The following TENM3 variants were observed in gnomAD, a reference collection of about 807,000 sequenced individuals.
TENM3 encodes the protein teneurin-3.
In TENM3, 63 loss-of-function variants were observed where a neutral mutation model predicts 255.1. The observed-to-expected ratio is 0.25, with a 90% CI of 0.20 to 0.30. The LOEUF is 0.30. Ranked by LOEUF, TENM3 falls within the 10% of genes least tolerant of loss-of-function variation. TENM3 has a pLI of 1.00. For synonymous variants in TENM3, 1,306 were observed against 1,322.3 expected, an observed-to-expected ratio of 0.99 and a Z score of 0.27; for missense variants, 2,929 against 3,461.1, an observed-to-expected ratio of 0.85 and a Z score of 3.86.
intron 3 of TENM3, among the ~76,000 whole-genome samples, chr4:182,536,604 A>G (rs553810271): frequency 1.3e-5 from 2 of 152,330 alleles, no homozygotes; most frequent in South Asian, 4.1e-4. Context: ...GAAAGAAATA[A>G]GCAGATGTGA....
intron 3 of TENM3, among the ~76,000 whole-genome samples, chr4:182,513,098 G>C (rs1356086135): frequency 6.6e-6 from 1 of 152,140 alleles, no homozygotes; most frequent in Admixed American, 6.5e-5. Context: ...AAGAAGTGAG[G>C]ATAGGATAGG....
chr4:182,432,501 C>T (rs192324151), intron 3 of TENM3, among the ~76,000 whole-genome samples: 1 of 152,246 alleles, frequency 6.6e-6, no homozygotes, highest in Admixed American at 6.5e-5. Flanking sequence ...ACAATATGTA[C>T]AATGTAATAA....
At chr4:182,049,597 C>A in the TENM3 span, among the ~76,000 whole-genome samples, 1 of 152,206 alleles carries the variant, frequency 6.6e-6, no homozygotes, top group Non-Finnish European at 1.5e-5. Flanking sequence ...TGAGCCGTAT[C>A]CCTGCTCTTG....
the TENM3 span, among the ~76,000 whole-genome samples, chr4:181,511,954 T>G: frequency 2.0e-5 from 3 of 152,064 alleles, no homozygotes; most frequent in Admixed American, 2.0e-4. Context: ...TGTGTTAGGG[T>G]GCCCAGCATC....
At chr4:181,785,144 T>G in the TENM3 span, among the ~76,000 whole-genome samples, 1 of 152,010 alleles carries the variant, frequency 6.6e-6, no homozygotes. Flanking sequence ...AAGGCACATG[T>G]GTGAAGTTGG....
intron 3 of TENM3, among the ~76,000 whole-genome samples, chr4:182,409,504 C>T (rs1407853731): frequency 2.0e-5 from 3 of 152,152 alleles, no homozygotes; most frequent in Non-Finnish European, 4.4e-5. Flanking sequence ...CAGGATTGGG[C>T]TAGATATTCC....
At chr4:182,079,702 T>C in the TENM3 span, 1 of 152,304 alleles carries the variant, frequency 6.6e-6, no homozygotes, top group Non-Finnish European at 1.5e-5. Flanking sequence ...AAATGAGATG[T>C]TGAAATTGTT....
chr4:182,586,467 A>G (rs1244598391), intron 3 of TENM3, among the ~76,000 whole-genome samples: 3 of 152,314 alleles, frequency 2.0e-5, no homozygotes, highest in Admixed American at 6.5e-5. Context: ...ATAAAAGCAT[A>G]TATTGGGAAG....
At chr4:181,672,699 C>T in the TENM3 span, among the ~76,000 whole-genome samples, 1 of 152,168 alleles carries the variant, frequency 6.6e-6, no homozygotes, top group Admixed American at 6.6e-5. Flanking sequence ...ACAGAAGCGC[C>T]TGCATCTGCA....
chr4:182,514,617 G>A (rs1203335088), intron 3 of TENM3, among the ~76,000 whole-genome samples: 1 of 152,138 alleles, frequency 6.6e-6, no homozygotes, highest in African/African-American at 2.4e-5. Flanking sequence ...TTAGTGTGAT[G>A]TAGTCTGATA....
the TENM3 span, among the ~76,000 whole-genome samples, chr4:181,913,806 C>T: frequency 6.6e-6 from 1 of 152,110 alleles, no homozygotes; most frequent in Admixed American, 6.6e-5. Flanking sequence ...ACTCATTGTA[C>T]TTAACAATTT....
intron 6 of TENM3, among the ~76,000 whole-genome samples, chr4:182,667,914 G>A (rs184469724): frequency 4.0e-5 from 6 of 151,888 alleles, no homozygotes; most frequent in Middle Eastern, 3.4e-3. Flanking sequence ...AAACCTGCAC[G>A]TTTTGCACGT....
intron 1 of TENM3, among the ~76,000 whole-genome samples, chr4:182,229,121 G>A (rs1424845239): frequency 6.6e-6 from 1 of 152,164 alleles, no homozygotes; most frequent in Non-Finnish European, 1.5e-5. Flanking sequence ...GTTGAGAACA[G>A]CTCGATGGAA....
At chr4:182,565,488 A>G (rs575183124) in intron 3 of TENM3, among the ~76,000 whole-genome samples, 1 of 152,324 alleles carries the variant, frequency 6.6e-6, no homozygotes, top group South Asian at 2.1e-4. Flanking sequence ...TAGTGTTGCC[A>G]CTATGTTGAT....
the TENM3 span, among the ~76,000 whole-genome samples, chr4:182,093,489 C>T: frequency 6.6e-6 from 1 of 152,110 alleles, no homozygotes; most frequent in Non-Finnish European, 1.5e-5. Context: ...GACAAACCAC[C>T]AGCAGCCGAA....
At chr4:182,342,693 A>G (rs1162418911) in intron 2 of TENM3, among the ~76,000 whole-genome samples, 3 of 152,140 alleles carry the variant, frequency 2.0e-5, no homozygotes, top group Non-Finnish European at 2.9e-5. Flanking sequence ...CCAAGAGAGA[A>G]GGAGAGAAAG....
the TENM3 span, among the ~76,000 whole-genome samples, chr4:181,471,174 T>C: frequency 2.0e-5 from 3 of 152,176 alleles, no homozygotes; most frequent in Non-Finnish European, 2.9e-5. Flanking sequence ...TTTTAATGGT[T>C]AATAAAATTT....
chr4:181,521,969 C>T, the TENM3 span, among the ~76,000 whole-genome samples: 9 of 151,878 alleles, frequency 5.9e-5, no homozygotes, highest in Admixed American at 2.0e-4. Flanking sequence ...GGCACGGTGG[C>T]GGGCGCCTGT....
the TENM3 span, among the ~76,000 whole-genome samples, chr4:181,857,912 TGTG>T: frequency 1.3e-5 from 2 of 152,086 alleles, no homozygotes; most frequent in African/African-American, 4.8e-5. Flanking sequence ...GAGAGAGACA[TGTG>T]GAGCAGTGAG....
Sources: allele counts gnomAD v4.1 joint callset (sites outside exome capture counted in the v4.1 genomes callset), GRCh38; gene constraint gnomAD v4.1.1; transcripts MANE v1.5; gene names NCBI Gene and HGNC (gene_info 2026-07-23, HGNC 2026-07-21).